UGT1A7: variants seen among roughly 807,000 people sequenced by gnomAD.
UGT1A7 encodes the protein UDP glucuronosyltransferase family 1 member A7, also known as UDP-glucuronosyltransferase 1A7.
In UGT1A7, 33 loss-of-function variants were observed where a neutral mutation model predicts 45.6. The observed-to-expected ratio is 0.72, with a 90% confidence interval of 0.55 to 0.97. UGT1A7 has a LOEUF of 0.97. Ranked by LOEUF, UGT1A7 falls within the 50% of genes least tolerant of loss-of-function variation. UGT1A7 has a pLI of 0.00. For missense variants in UGT1A7, 684 were observed against 666.2 expected (o/e 1.03, Z -0.29); for synonymous variants, 274 against 250.6 (o/e 1.09, Z -0.88).
chr2:233,772,294 T>C lies in UGT1A7; in HGVS notation c.1328T>C (p.Leu443Pro). 6.2e-7 allele frequency: 1 copy of C among 1,614,228 alleles called. No individual in the cohort carries two copies. Among genetic ancestry groups the C allele is most frequent in the Non-Finnish European group, 8.5e-7 (1 of 1,180,042 alleles). Reference protein sequence around the residue: ...YKENIMRLSSLHKDRPVEPLD... With the variant: ...YKENIMRLSSPHKDRPVEPLD... Reference sequence around the variant, plus strand: ...GAGAACATCATGCGCCTCTCCAGCCTTCACAAGGACCGCCCGGTGGAGCCG... The same window carrying C: ...GAGAACATCATGCGCCTCTCCAGCCCTCACAAGGACCGCCCGGTGGAGCCG... The change falls in exon 5 of 5, where the codon CTT becomes CCT. Residue 443 changes from leucine to proline, a missense_variant. Coordinates refer to ENST00000373426, the MANE Select transcript of UGT1A7 (RefSeq NM_019077.3).
chr2:233,735,217 A>G (rs1317592719), intron 1 of UGT1A7, among the ~76,000 whole-genome samples: 1 of 152,114 alleles, frequency 6.6e-6, no homozygotes, highest in African/African-American at 2.4e-5. Context: ...GTGCATATAT[A>G]TTTAGGATAG....
intron 1 of UGT1A7, among the ~76,000 whole-genome samples, chr2:233,696,688 T>C (rs2075354948): frequency 6.6e-6 from 1 of 152,230 alleles, no homozygotes; most frequent in Admixed American, 6.5e-5. Context: ...ACAGTCAGCA[T>C]CTTTGTCTTA....
chr2:233,738,316 T>C (rs1483940334), intron 1 of UGT1A7, among the ~76,000 whole-genome samples: 4 of 152,176 alleles, frequency 2.6e-5, no homozygotes, highest in African/African-American at 7.2e-5. Context: ...TAGCAGTGTG[T>C]GAATGGACTA....
intron 1 of UGT1A7, chr2:233,719,622 C>T: frequency 4.3e-6 from 7 of 1,614,034 alleles, no homozygotes; most frequent in Non-Finnish European, 5.9e-6. Flanking sequence ...CTACCCCAGG[C>T]CGATCATGCC....
chr2:233,705,916 C>A (rs1399675251), intron 1 of UGT1A7, among the ~76,000 whole-genome samples: 4 of 152,120 alleles, frequency 2.6e-5, no homozygotes, highest in Admixed American at 6.5e-5. Flanking sequence ...AGTGAAACTC[C>A]TTCTCTACTA....
chr2:233,734,422 T>C (rs1373952853), intron 1 of UGT1A7, among the ~76,000 whole-genome samples: 3 of 152,176 alleles, frequency 2.0e-5, no homozygotes, highest in Non-Finnish European at 4.4e-5. Context: ...TCTTTTCTTC[T>C]TTATTAGTCT....
intron 1 of UGT1A7, among the ~76,000 whole-genome samples, chr2:233,744,198 G>A (rs1317214415): frequency 6.6e-6 from 1 of 151,870 alleles, no homozygotes; most frequent in Non-Finnish European, 1.5e-5. Flanking sequence ...CTCCAAAAAG[G>A]ATGGGAAAAA....
chr2:233,703,444 G>A (rs765581131), intron 1 of UGT1A7, among the ~76,000 whole-genome samples: 11 of 151,692 alleles, frequency 7.3e-5, no homozygotes, highest in Non-Finnish European at 1.0e-4. Context: ...TTTCTATGTC[G>A]TTAATTTCCC....
intron 1 of UGT1A7, among the ~76,000 whole-genome samples, chr2:233,725,317 C>CAGA (rs1559370683): frequency 2.7e-5 from 1 of 37,458 alleles, no homozygotes; most frequent in Admixed American, 2.3e-4. Flanking sequence ...GAGGCAGAGG[C>CAGA]GCCTGGTCAA....
intron 1 of UGT1A7, among the ~76,000 whole-genome samples, chr2:233,717,504 C>T (rs1170587826): frequency 6.6e-6 from 1 of 152,186 alleles, no homozygotes; most frequent in Non-Finnish European, 1.5e-5. Flanking sequence ...ATGTGGATTT[C>T]TAATGGGAGT....
At chr2:233,719,835 G>C (rs2076806850) in intron 1 of UGT1A7, 18 of 1,540,274 alleles carry the variant, frequency 1.2e-5, no homozygotes, top group Non-Finnish European at 1.6e-5. Context: ...GAGGGGCCTA[G>C]TGTATTTCAA....
intron 1 of UGT1A7, chr2:233,693,895 T>C (rs1472184778): frequency 1.2e-6 from 2 of 1,613,784 alleles, no homozygotes; most frequent in South Asian, 2.2e-5. Flanking sequence ...TTGGACTGCC[T>C]TGTTTCTTCC....
intron 1 of UGT1A7, among the ~76,000 whole-genome samples, chr2:233,709,785 C>T (rs1208150066): frequency 2.0e-5 from 3 of 152,036 alleles, no homozygotes; most frequent in East Asian, 1.9e-4. Context: ...TAAAGTGCAC[C>T]GTTTTAATGA....
intron 1 of UGT1A7, among the ~76,000 whole-genome samples, chr2:233,737,298 C>T (rs370830407): frequency 3.9e-5 from 6 of 152,366 alleles, no homozygotes; most frequent in South Asian, 4.1e-4. Context: ...TGCCGCCTCA[C>T]AGTTCAATCT....
At chr2:233,691,675 A>G (rs539238646) in intron 1 of UGT1A7, 89 of 967,552 alleles carry the variant, frequency 9.2e-5, no homozygotes, top group Non-Finnish European at 1.1e-4. Flanking sequence ...GCCTCAGTTG[A>G]GAAACCTGAA....
rs763548038 is a variant in UGT1A7, at chr2:233,772,319, G to T, written c.1353G>T (p.Pro451=). Residue 451 remains proline, a synonymous_variant, in exon 5 of 5, where the codon CCG becomes CCT. Coordinates refer to ENST00000373426, the MANE Select transcript of UGT1A7 (RefSeq NM_019077.3). ...SSLHKDRPVE[P]LDLAVFWVEF... ...TTCACAAGGACCGCCCGGTGGAGCC[G>T]CTGGACCTGGCCGTGTTCTGGGTGG... 6.2e-7 allele frequency: 1 copy of T among 1,614,164 alleles called. No homozygotes were observed. The highest frequency in any genetic ancestry group is 8.5e-7 in the Non-Finnish European group (1 of 1,180,030).
At chr2:233,745,063 T>C (rs1693001663) in intron 1 of UGT1A7, among the ~76,000 whole-genome samples, 1 of 151,886 alleles carries the variant, frequency 6.6e-6, no homozygotes, top group African/African-American at 2.4e-5. Flanking sequence ...ATTTGTATTA[T>C]TTGTATTGTT....
intron 1 of UGT1A7, chr2:233,713,114 G>A (rs1276880544): frequency 4.3e-6 from 7 of 1,614,110 alleles, no homozygotes; most frequent in Admixed American, 1.7e-5. Context: ...GCAGCCACTG[G>A]CTCAGCATGC....
rs576748005 is a variant in UGT1A7 at position 233,703,104 on chromosome 2, T to C, written c.855+20312T>C. On this transcript the variant is annotated intron_variant, in intron 1 of 4. Coordinates refer to ENST00000373426, the MANE Select transcript of UGT1A7 (RefSeq NM_019077.3). ...GCTTTTCTTGCAGGAGGTTTTAAAA[T>C]TACTAATTTAATCTTTTTACCTGTT... Among the ~76,000 whole-genome samples, 7 of 152,330 alleles carry C rather than the reference T, an allele frequency of 4.6e-5. No homozygotes were observed. The East Asian group carries it at 1.3e-3, about 29-fold the overall frequency.
Sources: allele counts gnomAD v4.1 joint callset (sites outside exome capture counted in the v4.1 genomes callset), GRCh38; gene constraint gnomAD v4.1.1; transcripts MANE v1.5; gene names NCBI Gene and HGNC (gene_info 2026-07-23, HGNC 2026-07-21).